The following NKTR variants were observed in gnomAD, a reference collection of about 807,000 sequenced individuals.
NKTR encodes NK-tumor recognition protein.
Under a neutral mutation model 156.3 loss-of-function variants are expected in NKTR, and 67 were observed. The observed-to-expected ratio is 0.43, with a 90% CI of 0.35 to 0.53. The LOEUF is 0.53. NKTR is among the 20% of genes least tolerant of loss of function. The pLI is 0.01. For missense variants in NKTR, 1,604 were observed against 1,730.9 expected (o/e 0.93, Z 1.30); for synonymous variants, 640 against 596.6 (o/e 1.07, Z -1.06).
chr3:42,609,646 G>A (rs909529127), intron 2 of NKTR, among the ~76,000 whole-genome samples: 1 of 152,116 alleles, frequency 6.6e-6, no homozygotes, highest in African/African-American at 2.4e-5. Flanking sequence ...GTTACTCTAG[G>A]GAATATTGGG....
chr3:42,626,431 G>C (rs1708396045), intron 6 of NKTR, among the ~76,000 whole-genome samples: 4 of 151,928 alleles, frequency 2.6e-5, no homozygotes, highest in African/African-American at 7.2e-5. Context: ...CTTGATAATG[G>C]GGAAAATCAG....
At chr3:42,619,385 C>T in intron 4 of NKTR, 3 of 1,184,584 alleles carry the variant, frequency 2.5e-6, no homozygotes, top group Non-Finnish European at 3.3e-6. Context: ...CAATGAATGC[C>T]AAAGTACTGT....
At chr3:42,625,356 A>G (rs1047352999) in intron 6 of NKTR, among the ~76,000 whole-genome samples, 5 of 152,150 alleles carry the variant, frequency 3.3e-5, no homozygotes, top group Non-Finnish European at 5.9e-5. Context: ...ACAAGATAAT[A>G]TAGAAGAGTC....
In NKTR at chr3:42,633,671, C is replaced by G. The variant is rs777857012; in HGVS notation, c.865C>G (p.Pro289Ala). The G allele has an allele frequency of 1.9e-5, 31 of 1,614,014 alleles. No individual in the cohort carries two copies. Among genetic ancestry groups the G allele is most frequent in the South Asian group, 1.5e-4 (14 of 91,084 alleles). Residue 289 changes from proline to alanine, a missense_variant, in exon 10 of 17, where the codon CCA (proline) becomes GCA (alanine). This residue lies in a region of NKTR where 1,255 missense variants were observed against 1,243.7 expected (regional missense o/e 1.01). Coordinates refer to ENST00000232978, the MANE Select transcript of NKTR (RefSeq NM_005385.4). ...KPVVRPEEIP[P>A]VPENRFLLRR... Reference sequence around the variant, plus strand: ...TGTGGTCCGCCCAGAAGAGATTCCTCCAGTGCCTGAGAACCGATTTTTACT... The same window carrying G: ...TGTGGTCCGCCCAGAAGAGATTCCTGCAGTGCCTGAGAACCGATTTTTACT...
chr3:42,630,369 T>C (rs1708778387), intron 6 of NKTR, 177 bp from the exon 7 acceptor site: 1 of 1,409,070 alleles, frequency 7.1e-7, no homozygotes, highest in South Asian at 1.7e-5. Flanking sequence ...ATTAGTAAGA[T>C]GGCTACTATT....
intron 2 of NKTR, among the ~76,000 whole-genome samples, chr3:42,610,249 G>GC (rs934915787): frequency 2.0e-5 from 3 of 151,850 alleles, no homozygotes; most frequent in Non-Finnish European, 4.4e-5. Context: ...GGTGATCCGC[G>GC]CCCCCCACCG....
chr3:42,614,204 AAG>A (rs1408361099), intron 2 of NKTR, among the ~76,000 whole-genome samples: 1 of 152,190 alleles, frequency 6.6e-6, no homozygotes, highest in Non-Finnish European at 1.5e-5. Context: ...GCAGTTTCCA[AAG>A]AGGCATCATC....
In NKTR at chr3:42,643,930, A is replaced by AGGAGTC. The variant is rs1559597102; in HGVS notation, c.4236_4241dup (p.Arg1416_Ser1417dup). On this transcript the variant is annotated inframe_insertion, in exon 16 of 17. Coordinates refer to ENST00000232978, the MANE Select transcript of NKTR (RefSeq NM_005385.4). ...CTACACCTACGATAGCTACTATAGCAGGAGTCGGAGTCGAAGTAGAAGCCA... is the reference window on the plus strand; with the variant it reads ...CTACACCTACGATAGCTACTATAGCAGGAGTCGGAGTCGGAGTCGAAGTAGAAGCCA... 1 of 1,614,052 alleles carries AGGAGTC rather than the reference A, an allele frequency of 6.2e-7. No individual in the cohort carries two copies. Among genetic ancestry groups the AGGAGTC allele is most frequent in the Non-Finnish European group, 8.5e-7 (1 of 1,179,956 alleles).
At position 42,634,691 on chromosome 3, in the gene NKTR, G is replaced by A. The variant is rs1403712948; in HGVS notation, c.1008G>A (p.Arg336=). Reference sequence around the variant, plus strand: ...AGTCTGGACGGAAGATTAAAGGAAGGGGCACAATTGTATGTGTGATAAGAC... The same window carrying A: ...AGTCTGGACGGAAGATTAAAGGAAGAGGCACAATTGTATGTGTGATAAGAC... ...VSKSGRKIKG[R]GTIRYHTPPR... Residue 336 remains arginine, a synonymous_variant, in exon 11 of 17, where the codon AGG becomes AGA. Transcript: ENST00000232978. The A allele has an allele frequency of 1.5e-5, 23 of 1,582,670 alleles. No homozygotes were observed. Among genetic ancestry groups the A allele is most frequent in the Non-Finnish European group, 1.9e-5 (22 of 1,159,820 alleles).
In NKTR at chr3:42,601,057, G is replaced by A. The variant is rs909195678; in HGVS notation, c.51G>A (p.Arg17=). 2.9e-5 allele frequency: 45 copies of A among 1,575,974 alleles called. No homozygotes were observed. Among genetic ancestry groups the A allele is most frequent in the Non-Finnish European group, 3.7e-5 (43 of 1,164,184 alleles). The change falls in exon 2 of 17, where the codon CGG becomes CGA. Residue 17 remains arginine, a synonymous_variant. Transcript: ENST00000232978. ...GCCACTTCGACATCGAGATCAACCG[G>A]GAGCCGGGTGAGCTGGAAACTGGGG... ...PQCHFDIEIN[R]EPVGRIMFQL... is the part of the protein sequence containing the mutation.
At chr3:42,623,283 ATTTAC>A (rs1708079276) in intron 6 of NKTR, among the ~76,000 whole-genome samples, 1 of 152,106 alleles carries the variant, frequency 6.6e-6, no homozygotes, top group African/African-American at 2.4e-5. Context: ...TTCAAAGTTA[ATTTAC>A]TTTAGATGGC....
At chr3:42,625,207 G>A (rs1283187467) in intron 6 of NKTR, among the ~76,000 whole-genome samples, 2 of 152,124 alleles carry the variant, frequency 1.3e-5, no homozygotes, top group Non-Finnish European at 2.9e-5. Flanking sequence ...TAAATCAAGA[G>A]CAACAGAAGT....
intron 12 of NKTR, among the ~76,000 whole-genome samples, chr3:42,635,666 T>C (rs1231941447): frequency 2.0e-5 from 3 of 152,180 alleles, no homozygotes. Flanking sequence ...ACGCTTGTCA[T>C]CCCAGCACTT....
Position 42,643,358 on chromosome 3 carries a change from T to G in NKTR, c.4162T>G (p.Ser1388Ala), listed in dbSNP as rs1710064396. The G allele has an allele frequency of 6.2e-7, 1 of 1,614,136 alleles. No homozygotes were observed. The highest frequency in any genetic ancestry group is 8.5e-7 in the Non-Finnish European group (1 of 1,179,976). The change falls in exon 15 of 17, where the codon TCC becomes GCC. Residue 1388 changes from serine (S) to alanine (A), a missense_variant. Ser to Ala is a moderately conservative substitution (Grantham distance 99, BLOSUM62 1). Around this residue, in one of 6 missense-constraint regions of NKTR, gnomAD observed 193 missense variants for 220.2 expected, o/e 0.88. Coordinates refer to ENST00000232978, the MANE Select transcript of NKTR (RefSeq NM_005385.4). ...KSHRTSSRSR[S>A]RSSSYDPHSR... is the part of the protein sequence containing the mutation. ...TATTAGGACGTCCAGCAGGAGCAGA[T>G]CCAGGAGCAGCTCATATGATCCCCA...
chr3:42,639,795 T>TA, intron 13 of NKTR, 45 bp downstream of exon 13: 4 of 1,313,610 alleles, frequency 3.0e-6, no homozygotes, highest in Non-Finnish European at 4.3e-6. Context: ...GAGAGTCTGT[T>TA]ATTGTTTAGC....
chr3:42,633,582 A>G lies in NKTR; in HGVS notation c.776A>G (p.His259Arg), dbSNP rs1284576551. ...TCAGTGACTTGGTTTGTTCTAAGTC[A>G]CTCTGAGAGGAGTGATACCAATGAA... ...RNKHAMNPKGHSERSDTNEKR... is the reference protein window; with the variant it reads ...RNKHAMNPKGRSERSDTNEKR... Residue 259 changes from histidine (H) to arginine (R), a missense_variant and splice_region_variant, in exon 10 of 17, where the codon CAC becomes CGC. His to Arg is a conservative substitution (Grantham distance 29). Around this residue, in one of 6 missense-constraint regions of NKTR, gnomAD observed 1,255 missense variants for 1,243.7 expected, o/e 1.01. Coordinates refer to ENST00000232978, the MANE Select transcript of NKTR (RefSeq NM_005385.4). 3 of 1,613,398 alleles carry G rather than the reference A, an allele frequency of 1.9e-6. No individual in the cohort carries two copies. In the African/African-American group the frequency reaches 4.0e-5, roughly 22 times the overall value.
At chr3:42,627,582 G>A (rs1577512527) in intron 6 of NKTR, 2 of 985,126 alleles carry the variant, frequency 2.0e-6, no homozygotes, top group East Asian at 1.1e-4. Flanking sequence ...GAGTAGCAGT[G>A]ACACTTGTCA....
intron 3 of NKTR, 59 bp downstream of exon 3, chr3:42,617,703 A>G: frequency 1.2e-6 from 1 of 850,504 alleles, no homozygotes; most frequent in South Asian, 1.5e-5. Flanking sequence ...CTTGCTGAAC[A>G]GAATAGATAT....
At chr3:42,645,406 C>T (rs997547078) in intron 16 of NKTR, among the ~76,000 whole-genome samples, 2 of 152,106 alleles carry the variant, frequency 1.3e-5, no homozygotes, top group African/African-American at 2.4e-5. Context: ...TAGTGTGAGT[C>T]GGGCACGGTG....
Sources: allele counts gnomAD v4.1 joint callset (sites outside exome capture counted in the v4.1 genomes callset), GRCh38; gene constraint gnomAD v4.1.1; regional missense constraint gnomAD v4.1.1; transcripts MANE v1.5; gene names NCBI Gene and HGNC (gene_info 2026-07-23, HGNC 2026-07-21).